Variants in SMARCA2 observed in about 807,000 individuals in gnomAD.
SMARCA2 encodes the protein SWI/SNF related BAF chromatin remodeling complex subunit ATPase 2, also known as SWI/SNF-related matrix-associated actin-dependent regulator of chromatin subfamily A member 2.
Under a neutral mutation model 199.8 loss-of-function variants are expected in SMARCA2, and 61 were observed. The ratio of observed to expected loss-of-function variants is 0.31; its 90% CI spans 0.25 to 0.38. The LOEUF is 0.38. Ranked by LOEUF, SMARCA2 falls within the 10% of genes least tolerant of loss-of-function variation. The pLI, the probability that SMARCA2 is intolerant of heterozygous loss-of-function variation, is 1.00. For synonymous variants in SMARCA2, 935 were observed against 732.0 expected, an observed-to-expected ratio of 1.28 and a Z score of -4.48; for missense variants, 1,344 against 2,012.2, an observed-to-expected ratio of 0.67 and a Z score of 6.35.
At chr9:2,097,790 G>A (rs568448827) in intron 21 of SMARCA2, among the ~76,000 whole-genome samples, 1 of 152,192 alleles carries the variant, frequency 6.6e-6, no homozygotes, top group Non-Finnish European at 1.5e-5. Context: ...TATACTGGGA[G>A]CTCTGAAATT....
At position 2,034,262 on chromosome 9, in the gene SMARCA2, A is replaced by C. The variant is rs890525278; in HGVS notation, c.355+1181A>C. Among the ~76,000 whole-genome samples the C allele has an allele frequency of 3.9e-5, 6 of 152,040 alleles. No individual in the cohort carries two copies. The East Asian group carries it at 5.8e-4, about 15-fold the overall frequency. On this transcript the variant is annotated intron_variant, in intron 3 of 33. Transcript: ENST00000349721. The stretch of plus-strand genomic sequence containing the variant: ...CGTCTCAAAAAAAAAAAAAAAAAAA[A>C]AAAACTATTTCAAAGTAAGGCACAT...
intron 6 of SMARCA2, 97 bp downstream of exon 6, chr9:2,054,820 A>G (rs1820279210): frequency 6.4e-6 from 8 of 1,258,274 alleles, no homozygotes; most frequent in Non-Finnish European, 3.4e-6. Flanking sequence ...CAATATTGTT[A>G]CAAAGATATA....
At chr9:2,061,372 C>G (rs1163211166) in intron 9 of SMARCA2, among the ~76,000 whole-genome samples, 3 of 152,096 alleles carry the variant, frequency 2.0e-5, no homozygotes, top group Admixed American at 6.5e-5. Flanking sequence ...ATGCAGTGTA[C>G]AGGTTGGAAG....
At chr9:2,021,570 C>G (rs1312218660) in intron 1 of SMARCA2, among the ~76,000 whole-genome samples, 2 of 152,160 alleles carry the variant, frequency 1.3e-5, no homozygotes, top group African/African-American at 4.8e-5. Flanking sequence ...AAAGCCCTCT[C>G]CCATCTTCCC....
chr9:2,100,211 A>C (rs571282956), intron 21 of SMARCA2, among the ~76,000 whole-genome samples: 190 of 152,354 alleles, frequency 1.2e-3, no homozygotes, highest in African/African-American at 4.4e-3. Flanking sequence ...GGAGAAATGC[A>C]TGGAGAACAG....
intron 9 of SMARCA2, among the ~76,000 whole-genome samples, chr9:2,067,918 T>G (rs12003289): frequency 0.18 from 27,351 of 152,142 alleles, 3,378 homozygotes; most frequent in African/African-American, 0.34. Context: ...TTTGATTATA[T>G]TAATATATGA....
At chr9:2,055,700 C>T (rs536031429) in intron 6 of SMARCA2, 2 of 152,228 alleles carry the variant, frequency 1.3e-5, no homozygotes, top group Admixed American at 1.3e-4. Context: ...CTACTTGGCT[C>T]TTGGTTTGTG....
At chr9:2,142,637 C>T (rs1368257112) in intron 27 of SMARCA2, among the ~76,000 whole-genome samples, 1 of 152,140 alleles carries the variant, frequency 6.6e-6, no homozygotes, top group Non-Finnish European at 1.5e-5. Context: ...AGCCGTTTAA[C>T]TCTCAAAGCT....
chr9:2,190,911 G>C (rs1249215294), intron 32 of SMARCA2, among the ~76,000 whole-genome samples: 2 of 152,138 alleles, frequency 1.3e-5, no homozygotes, highest in African/African-American at 4.8e-5. Flanking sequence ...TAATGTAAAA[G>C]TTCTATTAAA....
chr9:2,170,504 A>G lies in SMARCA2; in HGVS notation c.4253+32A>G. 6.2e-7 allele frequency: 1 copy of G among 1,613,764 alleles called. No homozygotes were observed. Among genetic ancestry groups the G allele is most frequent in the Non-Finnish European group, 8.5e-7 (1 of 1,179,858 alleles). ...ATCTGTCTTGTATTCCCCTATCTCT[A>G]AATACAGGTATCCCTCGTTACGTGA... is the stretch of plus-strand genomic sequence containing the variant. On this transcript the variant is annotated intron_variant, in intron 29 of 33. Coordinates refer to ENST00000349721, the MANE Select transcript of SMARCA2 (RefSeq NM_003070.5). This position sits in a 1 kb window ranked among gnomAD's most constrained non-coding sequence, Gnocchi z 4.7.
intron 29 of SMARCA2, among the ~76,000 whole-genome samples, chr9:2,175,820 G>C (rs1414444040): frequency 1.3e-5 from 2 of 151,784 alleles, no homozygotes; most frequent in Non-Finnish European, 1.5e-5. Flanking sequence ...AATCCTTGTT[G>C]AGGTTGAAGT....
intron 23 of SMARCA2, among the ~76,000 whole-genome samples, chr9:2,109,179 A>G (rs752964480): frequency 6.6e-6 from 1 of 152,226 alleles, no homozygotes; most frequent in Non-Finnish European, 1.5e-5. Flanking sequence ...TTCATCCTTA[A>G]AAAATGAACA....
At chr9:2,134,199 A>C (rs1231260551) in intron 27 of SMARCA2, among the ~76,000 whole-genome samples, 1 of 152,216 alleles carries the variant, frequency 6.6e-6, no homozygotes, top group East Asian at 1.9e-4. Context: ...AGAAAGGTAA[A>C]ATTGGGAATC....
chr9:2,024,479 A>C (rs1363657364), intron 1 of SMARCA2, among the ~76,000 whole-genome samples: 1 of 152,088 alleles, frequency 6.6e-6, no homozygotes, highest in Non-Finnish European at 1.5e-5. Context: ...TACCTAGTAG[A>C]TACTCGGTAT....
chr9:2,058,529 T>A, intron 8 of SMARCA2, 65 bp downstream of exon 8: 1 of 1,307,946 alleles, frequency 7.6e-7, no homozygotes, highest in Non-Finnish European at 1.1e-6. Flanking sequence ...ATGAGACCAT[T>A]AAATATGGTG....
rs1168741027 is a variant in SMARCA2 at position 2,058,315 on chromosome 9, C to T, written c.1372C>T (p.His458Tyr). The change falls in exon 8 of 34, where the codon CAT becomes TAT. Residue 458 changes from histidine to tyrosine, a missense_variant. This residue lies in a region of SMARCA2 where 155 missense variants were observed against 260.0 expected (regional missense o/e 0.60). Transcript: ENST00000349721. The stretch of plus-strand genomic sequence containing the variant: ...GGAATACCTGAACAGTATTTTGCAA[C>T]ATGCAAAAGATTTTAAGGAATATCA... ...HQEYLNSILQ[H>Y]AKDFKEYHRS... 6.2e-7 allele frequency: 1 copy of T among 1,614,058 alleles called. No individual in the cohort carries two copies. Among genetic ancestry groups the T allele is most frequent in the South Asian group, 1.1e-5 (1 of 91,090 alleles).
At chr9:2,182,630 G>A (rs1371545250) in intron 31 of SMARCA2, among the ~76,000 whole-genome samples, 1 of 151,092 alleles carries the variant, frequency 6.6e-6, no homozygotes, top group Non-Finnish European at 1.5e-5. Flanking sequence ...AAGTACCTGG[G>A]ATTACAGGCA....
intron 29 of SMARCA2, among the ~76,000 whole-genome samples, chr9:2,179,860 A>G (rs1826892219): frequency 6.6e-6 from 1 of 152,200 alleles, no homozygotes; most frequent in South Asian, 2.1e-4. Flanking sequence ...CTGCTAGCTG[A>G]TAAAGAATGC....
intron 27 of SMARCA2, among the ~76,000 whole-genome samples, chr9:2,132,276 T>G (rs1302417054): frequency 6.6e-6 from 1 of 152,260 alleles, no homozygotes; most frequent in East Asian, 1.9e-4. Context: ...GATTTTTCTC[T>G]GCCTAGAGAT....
Sources: gnomAD v4.1 joint callset for allele counts (sites outside exome capture counted in the v4.1 genomes callset) on GRCh38, gnomAD v4.1.1 for gene constraint, gnomAD v4.1.1 regional missense constraint, Gnocchi (gnomAD v3.1) non-coding constraint, MANE v1.5 for transcripts, NCBI Gene and HGNC (gene_info 2026-07-23, HGNC 2026-07-21) for gene names.